Variants in NTM observed in about 807,000 individuals in gnomAD.
The protein encoded by NTM is neurotrimin.
A neutral mutation model predicts 42.1 loss-of-function variants in NTM; 13 were observed. That is an observed-to-expected ratio of 0.31 (90% CI 0.20 to 0.49). The LOEUF is 0.49. NTM is among the 20% of genes least tolerant of loss of function. The pLI is 0.99. For missense variants in NTM, 373 were observed against 452.8 expected, an observed-to-expected ratio of 0.82 and a Z score of 1.60; for synonymous variants, 187 against 179.2, an observed-to-expected ratio of 1.04 and a Z score of -0.35.
At chr11:132,245,640 G>A (rs1332640268) in intron 4 of NTM, among the ~76,000 whole-genome samples, 1 of 152,156 alleles carries the variant, frequency 6.6e-6, no homozygotes, top group Non-Finnish European at 1.5e-5. Context: ...CTGGTGCGGG[G>A]CAGAGCGTCA....
chr11:131,686,713 C>T (rs1391603941), intron 1 of NTM, among the ~76,000 whole-genome samples: 3 of 152,170 alleles, frequency 2.0e-5, no homozygotes, highest in African/African-American at 4.8e-5. Flanking sequence ...TCTATGTGCC[C>T]CTCATGGCTC....
intron 1 of NTM, among the ~76,000 whole-genome samples, chr11:131,560,905 C>T (rs544069801): frequency 3.3e-4 from 51 of 152,276 alleles, no homozygotes; most frequent in Admixed American, 1.2e-3. Flanking sequence ...TTTGAACAGC[C>T]CTCTTCTTCA....
chr11:131,889,617 A>G (rs1343597745), intron 1 of NTM, among the ~76,000 whole-genome samples: 1 of 152,204 alleles, frequency 6.6e-6, no homozygotes, highest in Non-Finnish European at 1.5e-5. Flanking sequence ...GGTTCTAAAC[A>G]ACAGACTCAG....
chr11:131,445,271 C>T (rs116087821), intron 1 of NTM, among the ~76,000 whole-genome samples: 1 of 152,316 alleles, frequency 6.6e-6, no homozygotes, highest in African/African-American at 2.4e-5. Context: ...TGTATACAGC[C>T]ATGCAGAGAC....
At chr11:132,054,641 C>T (rs1010076553) in intron 2 of NTM, among the ~76,000 whole-genome samples, 9 of 152,110 alleles carry the variant, frequency 5.9e-5, no homozygotes, top group Non-Finnish European at 1.3e-4. Context: ...GAGTGTATTC[C>T]ATATTGTAAA....
At chr11:131,680,781 G>C (rs2072491071) in intron 1 of NTM, among the ~76,000 whole-genome samples, 1 of 107,714 alleles carries the variant, frequency 9.3e-6, no homozygotes, top group Admixed American at 9.0e-5. Flanking sequence ...ATGTCTATGT[G>C]AGTGCCTGTG....
At chr11:132,177,621 A>G (rs1180919294) in intron 3 of NTM, among the ~76,000 whole-genome samples, 1 of 152,226 alleles carries the variant, frequency 6.6e-6, no homozygotes, top group East Asian at 1.9e-4. Flanking sequence ...CTTCTTGGCA[A>G]TGCTAGATTT....
chr11:131,458,406 A>G (rs1384794619), intron 1 of NTM, among the ~76,000 whole-genome samples: 2 of 152,248 alleles, frequency 1.3e-5, no homozygotes, highest in Admixed American at 6.5e-5. Context: ...TATAGGGCAC[A>G]GAGGAGAGTG....
Position 131,999,281 on chromosome 11 carries a change from T to C in NTM, c.167+87633T>C, listed in dbSNP as rs192134641. Among the ~76,000 whole-genome samples the C allele has an allele frequency of 2.0e-5, 3 of 152,158 alleles. No individual in the cohort carries two copies. The East Asian group carries it at 5.8e-4, about 30-fold the overall frequency. On this transcript the variant is annotated intron_variant, in intron 2 of 8. Coordinates refer to ENST00000683400, the MANE Select transcript of NTM (RefSeq NM_001352005.2). ...TAAAAAGCACGTGTGCTTGTGGGAG[T>C]ACCATTCTGAAAAAAATGATGCTTA...
chr11:131,933,851 C>T (rs895055056), intron 2 of NTM, among the ~76,000 whole-genome samples: 4 of 144,432 alleles, frequency 2.8e-5, no homozygotes, highest in Non-Finnish European at 4.6e-5. Context: ...AATATAAATT[C>T]TAGTGGGCAT....
In NTM at chr11:131,719,501, A is replaced by G. The variant is rs73593007; in HGVS notation, c.83-192063A>G. ...GGTCATGAGGAGGTGCTTGTAACAA[A>G]AGCAGGAGACCCCATAGCCTTGCAG... On this transcript the variant is annotated intron_variant, in intron 1 of 8. Coordinates refer to ENST00000683400, the MANE Select transcript of NTM (RefSeq NM_001352005.2). Among the ~76,000 whole-genome samples, 1,198 of 152,292 alleles carry G rather than the reference A, an allele frequency of 7.9e-3. 11 individuals carry two copies. Among genetic ancestry groups the G allele is most frequent in the African/African-American group, 0.027 (1,104 of 41,554 alleles).
At chr11:131,453,784 G>T (rs1950661327) in intron 1 of NTM, among the ~76,000 whole-genome samples, 1 of 151,336 alleles carries the variant, frequency 6.6e-6, no homozygotes, top group Non-Finnish European at 1.5e-5. Context: ...TTGGCTGCAG[G>T]TATCTGCCTG....
chr11:131,517,484 G>T (rs2049039295), intron 1 of NTM, among the ~76,000 whole-genome samples: 1 of 152,224 alleles, frequency 6.6e-6, no homozygotes, highest in African/African-American at 2.4e-5. Context: ...AAATGGGGGA[G>T]TAGAGGCCTG....
chr11:131,959,464 C>T (rs1180793478), intron 2 of NTM, among the ~76,000 whole-genome samples: 1 of 151,846 alleles, frequency 6.6e-6, no homozygotes, highest in Non-Finnish European at 1.5e-5. Context: ...CCCATCTTTA[C>T]AAAATAAAAT....
At chr11:131,392,741 A>G (rs1307275204) in intron 1 of NTM, among the ~76,000 whole-genome samples, 5 of 152,164 alleles carry the variant, frequency 3.3e-5, no homozygotes, top group Non-Finnish European at 7.3e-5. Context: ...CAGAATCTAC[A>G]TGCACTCCTC....
At chr11:131,425,246 T>C (rs1948009086) in intron 1 of NTM, among the ~76,000 whole-genome samples, 1 of 151,616 alleles carries the variant, frequency 6.6e-6, no homozygotes, top group Admixed American at 6.6e-5. Context: ...TTAGGTGGGC[T>C]GAGAAATAAT....
intron 6 of NTM, among the ~76,000 whole-genome samples, chr11:132,310,696 T>C (rs1253822439): frequency 6.6e-6 from 1 of 152,104 alleles, no homozygotes; most frequent in African/African-American, 2.4e-5. Flanking sequence ...TAGCGGTGTA[T>C]AAGAGTCCAT....
intron 2 of NTM, among the ~76,000 whole-genome samples, chr11:132,125,390 G>A (rs1190837355): frequency 8.9e-6 from 1 of 112,972 alleles, no homozygotes; most frequent in African/African-American, 3.5e-5. Flanking sequence ...TGGTGTATGT[G>A]GTATGTGGTA....
chr11:131,736,194 T>G (rs1280329261), intron 1 of NTM, among the ~76,000 whole-genome samples: 1 of 152,118 alleles, frequency 6.6e-6, no homozygotes, highest in African/African-American at 2.4e-5. Context: ...GTCACCTGCC[T>G]CAGTGGCCCT....
Sources: allele counts gnomAD v4.1 joint callset (sites outside exome capture counted in the v4.1 genomes callset), GRCh38; gene constraint gnomAD v4.1.1; transcripts MANE v1.5; gene names NCBI Gene and HGNC (gene_info 2026-07-23, HGNC 2026-07-21).